The following SBF2 variants were observed in gnomAD, a reference collection of about 807,000 sequenced individuals.
The protein encoded by SBF2 is myotubularin-related protein 13.
In SBF2, 112 loss-of-function variants were observed where a neutral mutation model predicts 225.2. That is an observed-to-expected ratio of 0.50 (90% confidence interval 0.43 to 0.58). SBF2 has a LOEUF of 0.58. Ranked by LOEUF, SBF2 falls within the 20% of genes least tolerant of loss-of-function variation. SBF2 has a pLI of 0.00. For synonymous variants in SBF2, 763 were observed against 773.3 expected (o/e 0.99, Z 0.22); for missense variants, 1,996 against 2,206.2 (o/e 0.90, Z 1.91).
intron 1 of SBF2, among the ~76,000 whole-genome samples, chr11:10,214,630 C>CA (rs1331333184): frequency 6.6e-6 from 1 of 152,008 alleles, no homozygotes; most frequent in Non-Finnish European, 1.5e-5. Flanking sequence ...CTAAAAAATA[C>CA]AAAAAACAAA....
At chr11:10,279,106 TAA>T (rs58093618) in intron 1 of SBF2, among the ~76,000 whole-genome samples, 4 of 56,116 alleles carry the variant, frequency 7.1e-5, no homozygotes, top group Admixed American at 2.6e-4. Context: ...GGTCTTGTAT[TAA>T]AAAAAAAAAA....
chr11:9,940,522 A>G (rs1009802317), intron 16 of SBF2, among the ~76,000 whole-genome samples: 1 of 152,226 alleles, frequency 6.6e-6, no homozygotes, highest in African/African-American at 2.4e-5. Flanking sequence ...CACGTATACC[A>G]TTAGTAAGCA....
chr11:10,143,791 C>T (rs1171744847), intron 2 of SBF2, among the ~76,000 whole-genome samples: 2 of 152,100 alleles, frequency 1.3e-5, no homozygotes, highest in African/African-American at 4.8e-5. Context: ...TATCTTGGCT[C>T]ACTGCAAGCT....
chr11:10,063,953 C>A (rs557898890), intron 2 of SBF2, among the ~76,000 whole-genome samples: 1 of 151,458 alleles, frequency 6.6e-6, no homozygotes, highest in Non-Finnish European at 1.5e-5. Context: ...GGAATTAAGG[C>A]GTCGGGGGGA....
At chr11:10,254,748 A>T (rs77059912) in intron 1 of SBF2, among the ~76,000 whole-genome samples, 2,373 of 150,882 alleles carry the variant, frequency 0.016, 32 homozygotes, top group African/African-American at 0.045. Flanking sequence ...TAAATATATT[A>T]AAAAAGTTAG....
At chr11:10,163,066 T>A (rs2135217080) in intron 2 of SBF2, among the ~76,000 whole-genome samples, 1 of 152,194 alleles carries the variant, frequency 6.6e-6, no homozygotes, top group Admixed American at 6.5e-5. Context: ...CTAGATAAAT[T>A]CACTGAGGGA....
intron 8 of SBF2, among the ~76,000 whole-genome samples, chr11:10,000,700 A>T (rs1408886686): frequency 6.6e-6 from 1 of 152,194 alleles, no homozygotes; most frequent in African/African-American, 2.4e-5. Context: ...GGATATTTAA[A>T]AATATTAATA....
intron 2 of SBF2, among the ~76,000 whole-genome samples, chr11:10,188,139 C>G (rs973476201): frequency 6.6e-6 from 1 of 151,892 alleles, no homozygotes; most frequent in African/African-American, 2.4e-5. Context: ...TGAAGACTCA[C>G]TGAAAACATT....
At chr11:9,902,960 A>T (rs563501460) in intron 16 of SBF2, among the ~76,000 whole-genome samples, 34 of 19,418 alleles carry the variant, frequency 1.8e-3, no homozygotes, top group Admixed American at 0.013. Flanking sequence ...ATAGGAAAAT[A>T]AAAAAAAAAA....
intron 33 of SBF2, among the ~76,000 whole-genome samples, chr11:9,794,577 A>T (rs1393825404): frequency 6.7e-6 from 1 of 148,536 alleles, no homozygotes; most frequent in African/African-American, 2.5e-5. Flanking sequence ...AGGCAGGAGA[A>T]TTGCCTGAAC....
At position 10,132,780 on chromosome 11, in the gene SBF2, C is replaced by T. The variant is rs549010633; in HGVS notation, c.141+61122G>A. Among the ~76,000 whole-genome samples the T allele has an allele frequency of 4.0e-5, 6 of 149,120 alleles. 1 individual carries two copies. In the South Asian group the frequency reaches 1.1e-3, roughly 26 times the overall value. ...CTGCTTTTGTTCTGTTATCTGGCCCCACCCACATCCTGCTGATTGGTAGGG... is the reference window on the plus strand; with the variant it reads ...CTGCTTTTGTTCTGTTATCTGGCCCTACCCACATCCTGCTGATTGGTAGGG... On this transcript the variant is annotated intron_variant, in intron 2 of 39. Coordinates refer to ENST00000256190, the MANE Select transcript of SBF2 (RefSeq NM_030962.4).
At chr11:10,227,488 T>G (rs991058754) in intron 1 of SBF2, among the ~76,000 whole-genome samples, 40 of 152,318 alleles carry the variant, frequency 2.6e-4, no homozygotes, top group Non-Finnish European at 5.1e-4. Flanking sequence ...CATCTTGAAT[T>G]AATTTTTGTA....
chr11:10,181,072 C>A (rs1222268341), intron 2 of SBF2, among the ~76,000 whole-genome samples: 3 of 152,016 alleles, frequency 2.0e-5, no homozygotes, highest in Admixed American at 2.0e-4. Context: ...TGTTAAAATG[C>A]TTTTTCTCTA....
Position 9,899,135 on chromosome 11 carries a change from A to G in SBF2, c.1861-3124T>C, listed in dbSNP as rs149436361. ...GTGATTTCTGAAATTATTAGAGAAC[A>G]GGTGAGTAGAATAAAACAAAAGGCC... On this transcript the variant is annotated intron_variant, in intron 16 of 39. Coordinates refer to ENST00000256190, the MANE Select transcript of SBF2 (RefSeq NM_030962.4). Among the ~76,000 whole-genome samples, 33 of 152,140 alleles carry G rather than the reference A, an allele frequency of 2.2e-4. No individual in the cohort carries two copies. In the East Asian group the frequency reaches 6.2e-3, roughly 28 times the overall value.
intron 1 of SBF2, among the ~76,000 whole-genome samples, chr11:10,229,271 C>T (rs1958719981): frequency 6.6e-6 from 1 of 152,126 alleles, no homozygotes; most frequent in African/African-American, 2.4e-5. Context: ...AAACCAGCTC[C>T]TGGATTCATT....
At chr11:9,831,668 C>T (rs1325205928) in intron 27 of SBF2, among the ~76,000 whole-genome samples, 3 of 152,218 alleles carry the variant, frequency 2.0e-5, no homozygotes, top group African/African-American at 7.2e-5. Flanking sequence ...AGACATGGTA[C>T]TCACAAGTAT....
At chr11:10,237,206 G>C (rs1478434647) in intron 1 of SBF2, among the ~76,000 whole-genome samples, 1 of 152,184 alleles carries the variant, frequency 6.6e-6, no homozygotes, top group Non-Finnish European at 1.5e-5. Context: ...AATTAGCTGG[G>C]TGTGGTGGTA....
At chr11:9,909,499 A>G (rs6483811) in intron 16 of SBF2, among the ~76,000 whole-genome samples, 42,026 of 151,264 alleles carry the variant, frequency 0.28, 6,745 homozygotes, top group African/African-American at 0.44. Flanking sequence ...GTGAAACCCC[A>G]CCTCTACTAA....
At chr11:9,930,694 G>A (rs569734741) in intron 16 of SBF2, among the ~76,000 whole-genome samples, 10 of 152,328 alleles carry the variant, frequency 6.6e-5, no homozygotes, top group Non-Finnish European at 1.0e-4. Flanking sequence ...TGCAGAAGAC[G>A]GGTGATTTCT....
Sources: allele counts gnomAD v4.1 joint callset (sites outside exome capture counted in the v4.1 genomes callset), GRCh38; gene constraint gnomAD v4.1.1; transcripts MANE v1.5; gene names NCBI Gene and HGNC (gene_info 2026-07-23, HGNC 2026-07-21).